The following PTDSS1 variants were observed in gnomAD, a reference collection of about 807,000 sequenced individuals.
PTDSS1 encodes phosphatidylserine synthase 1.
In PTDSS1, 45 loss-of-function variants were observed where a neutral mutation model predicts 70.5. That is an observed-to-expected ratio of 0.64 (90% CI 0.50 to 0.82). PTDSS1 has a LOEUF of 0.82. Among genes scored for constraint, PTDSS1 ranks in the 40% least tolerant of loss-of-function variants. PTDSS1 has a pLI of 0.00. For synonymous variants in PTDSS1, 188 were observed against 203.8 expected, an observed-to-expected ratio of 0.92 and a Z score of 0.66; for missense variants, 417 against 586.1, an observed-to-expected ratio of 0.71 and a Z score of 2.98.
intron 1 of PTDSS1, among the ~76,000 whole-genome samples, chr8:96,264,187 A>G (rs1320889510): frequency 6.6e-6 from 1 of 152,222 alleles, no homozygotes; most frequent in African/African-American, 2.4e-5. Context: ...TTATCACTTA[A>G]TAGCTGTGTG....
chr8:96,289,253 T>C (rs1810868746), intron 4 of PTDSS1, among the ~76,000 whole-genome samples: 1 of 152,160 alleles, frequency 6.6e-6, no homozygotes, highest in Admixed American at 6.5e-5. Flanking sequence ...CAATCTCCAG[T>C]CTTGCTCTCC....
At chr8:96,329,597 C>T (rs1007344678) in intron 10 of PTDSS1, among the ~76,000 whole-genome samples, 1 of 152,226 alleles carries the variant, frequency 6.6e-6, no homozygotes, top group Non-Finnish European at 1.5e-5. Flanking sequence ...ACACCCTCCT[C>T]ATTCCACTCA....
chr8:96,282,992 A>G (rs1810762709), intron 2 of PTDSS1, among the ~76,000 whole-genome samples: 1 of 152,206 alleles, frequency 6.6e-6, no homozygotes, highest in African/African-American at 2.4e-5. Flanking sequence ...TCTAAGGAGG[A>G]AACCCCAGCA....
chr8:96,323,546 C>T (rs1348682746), intron 10 of PTDSS1, among the ~76,000 whole-genome samples: 2 of 152,260 alleles, frequency 1.3e-5, no homozygotes, highest in Non-Finnish European at 2.9e-5. Flanking sequence ...ACTTGAGCCA[C>T]AGCTAAGGCA....
intron 1 of PTDSS1, among the ~76,000 whole-genome samples, chr8:96,264,902 TAA>T (rs536331103): frequency 7.6e-4 from 116 of 152,332 alleles, no homozygotes; most frequent in African/African-American, 2.7e-3. Flanking sequence ...ACTAATTTCA[TAA>T]AGAGACAGAA....
chr8:96,273,379 C>G lies in PTDSS1; in HGVS notation c.260C>G (p.Ala87Gly). 4 of 1,610,496 alleles carry G rather than the reference C, an allele frequency of 2.5e-6. No individual in the cohort carries two copies. Among genetic ancestry groups the G allele is most frequent in the Non-Finnish European group, 3.4e-6 (4 of 1,177,920 alleles). Residue 87 changes from alanine (A) to glycine (G), a missense_variant, in exon 2 of 13, where the codon GCT becomes GGT. Ala to Gly is a moderately conservative substitution (Grantham distance 60, BLOSUM62 0). Coordinates refer to ENST00000517309, the MANE Select transcript of PTDSS1 (RefSeq NM_014754.3). ...TTCTTTCTTATCATCAGTGTGTTAG[C>G]TTTCCCCAATGGTAAGTAATGTCAT... is the stretch of plus-strand genomic sequence containing the variant. ...IFFFLIISVLAFPNGPFTRPH... is the reference protein window; with the variant it reads ...IFFFLIISVLGFPNGPFTRPH...
intron 9 of PTDSS1, among the ~76,000 whole-genome samples, chr8:96,312,105 A>G (rs1345668933): frequency 2.0e-5 from 3 of 152,164 alleles, no homozygotes; most frequent in African/African-American, 7.2e-5. Flanking sequence ...ATCATGACAA[A>G]GTTTCTTTCT....
chr8:96,322,175 C>T (rs1811381289), intron 10 of PTDSS1, among the ~76,000 whole-genome samples: 2 of 152,162 alleles, frequency 1.3e-5, no homozygotes, highest in African/African-American at 2.4e-5. Context: ...CCCACCACTG[C>T]CCCCTGGGCA....
intron 9 of PTDSS1, among the ~76,000 whole-genome samples, chr8:96,310,738 C>T (rs918893275): frequency 2.0e-5 from 3 of 151,792 alleles, no homozygotes; most frequent in Admixed American, 6.6e-5. Context: ...AGCATGGTCA[C>T]AATGGTCTTG....
At chr8:96,309,469 G>A (rs1018838760) in intron 8 of PTDSS1, 88 bp from the exon 9 acceptor site, 15 of 1,271,900 alleles carry the variant, frequency 1.2e-5, no homozygotes, top group Middle Eastern at 1.8e-4. Flanking sequence ...AAGGAGGGAC[G>A]TTTTTTACTT....
chr8:96,278,655 A>G (rs925411441), intron 2 of PTDSS1, among the ~76,000 whole-genome samples: 1 of 152,176 alleles, frequency 6.6e-6, no homozygotes, highest in Non-Finnish European at 1.5e-5. Flanking sequence ...AATTTTAACT[A>G]TACCACCCTA....
chr8:96,280,462 C>T (rs1810719569), intron 2 of PTDSS1, among the ~76,000 whole-genome samples: 2 of 151,854 alleles, frequency 1.3e-5, no homozygotes. Flanking sequence ...ACAAAGCCTG[C>T]AGTGAGCTGA....
chr8:96,299,906 T>C, intron 6 of PTDSS1, 61 bp downstream of exon 6: 2 of 1,526,572 alleles, frequency 1.3e-6, no homozygotes, highest in South Asian at 1.3e-5. Context: ...TTAATTGTTT[T>C]GGTAGGAATC....
intron 4 of PTDSS1, among the ~76,000 whole-genome samples, chr8:96,287,756 A>G (rs371641936): frequency 1.7e-4 from 26 of 152,178 alleles, no homozygotes; most frequent in African/African-American, 6.3e-4. Flanking sequence ...GAACCATACA[A>G]AAAAATTTTA....
At chr8:96,297,133 A>G (rs889247859) in intron 5 of PTDSS1, among the ~76,000 whole-genome samples, 5 of 151,856 alleles carry the variant, frequency 3.3e-5, no homozygotes, top group Middle Eastern at 3.4e-3. Context: ...TTTAGACCCC[A>G]CCAGACCAAG....
Position 96,327,212 on chromosome 8 carries a change from G to A in PTDSS1, c.1174-3001G>A, listed in dbSNP as rs1270283975. 2.0e-5 allele frequency among the ~76,000 whole-genome samples: 3 copies of A among 152,226 alleles called. No individual in the cohort carries two copies. The East Asian group carries it at 5.8e-4, about 29-fold the overall frequency. On this transcript the variant is annotated intron_variant, in intron 10 of 12. Transcript: ENST00000517309. ...GGGAGGAGCCCATGTGGAGGGTGCA[G>A]TTGGAGTCCTGGGATTAGGTTAAGA...
At chr8:96,298,135 G>A (rs929404761) in intron 5 of PTDSS1, among the ~76,000 whole-genome samples, 4 of 152,102 alleles carry the variant, frequency 2.6e-5, no homozygotes, top group Admixed American at 6.5e-5. Context: ...GCTCCATCTC[G>A]TGGCTTGGAA....
chr8:96,299,769 A>G lies in PTDSS1; in HGVS notation c.676A>G (p.Asn226Asp). ...AGTCATTCTGGACATCCTGTTGTGC[A>G]ATGGCGGTGGCATTTGGCTGGGCAT... Reference protein sequence around the residue: ...DQVILDILLCNGGGIWLGMVV... With the variant: ...DQVILDILLCDGGGIWLGMVV... The change falls in exon 6 of 13, where the codon AAT (asparagine) becomes GAT (aspartate). Residue 226 changes from asparagine to aspartate, a missense_variant. This residue lies in a region of PTDSS1 where 272 missense variants were observed against 429.5 expected (regional missense o/e 0.63). Coordinates refer to ENST00000517309, the MANE Select transcript of PTDSS1 (RefSeq NM_014754.3). The G allele has an allele frequency of 6.2e-7, 1 of 1,614,172 alleles. No homozygotes were observed. Among genetic ancestry groups the G allele is most frequent in the Non-Finnish European group, 8.5e-7 (1 of 1,180,020 alleles).
At chr8:96,330,653 C>A (rs1811502203) in intron 11 of PTDSS1, 3 of 366,500 alleles carry the variant, frequency 8.2e-6, no homozygotes, top group Middle Eastern at 7.9e-4. Flanking sequence ...CTCTTCTGGG[C>A]AAACGCTTGC....
Sources: allele counts gnomAD v4.1 joint callset (sites outside exome capture counted in the v4.1 genomes callset), GRCh38; gene constraint gnomAD v4.1.1; regional missense constraint gnomAD v4.1.1; transcripts MANE v1.5; gene names NCBI Gene and HGNC (gene_info 2026-07-23, HGNC 2026-07-21).